Variants in CHD9 observed in about 807,000 individuals in gnomAD.
CHD9 encodes ATP-dependent chromatin remodeler CHD9.
Under a neutral mutation model 316.1 loss-of-function variants are expected in CHD9, and 77 were observed. The ratio of observed to expected loss-of-function variants is 0.24; its 90% CI spans 0.20 to 0.29. CHD9 has a LOEUF of 0.29. Among genes scored for constraint, CHD9 ranks in the 10% least tolerant of loss-of-function variants. The pLI, the probability that CHD9 is intolerant of heterozygous loss-of-function variation, is 1.00. For missense variants in CHD9, 2,763 were observed against 3,438.1 expected, an observed-to-expected ratio of 0.80 and a Z score of 4.91; for synonymous variants, 1,129 against 1,158.3, an observed-to-expected ratio of 0.97 and a Z score of 0.51.
rs1435282076 is a variant in CHD9, at chr16:53,209,482, C to T, written c.1453C>T (p.Pro485Ser). 6.3e-7 allele frequency: 1 copy of T among 1,587,488 alleles called. No homozygotes were observed. Among genetic ancestry groups the T allele is most frequent in the Non-Finnish European group, 8.6e-7 (1 of 1,167,204 alleles). The change falls in exon 3 of 39, where the codon CCT becomes TCT. Residue 485 changes from proline (P) to serine (S), a missense_variant and splice_region_variant. Pro to Ser is a moderately conservative substitution (Grantham distance 74). Around this residue, in one of 15 missense-constraint regions of CHD9, gnomAD observed 859 missense variants for 890.4 expected, o/e 0.96. Transcript: ENST00000447540. ...DRNHLCLQRQ[P>S]PSSKKSDGSG... ...ATAAAAAATATTTTTGTTTCTGTAG[C>T]CTCCATCTTCCAAGAAGAGCGATGG...
intron 2 of CHD9, among the ~76,000 whole-genome samples, chr16:53,180,910 C>T (rs1597320665): frequency 6.6e-6 from 1 of 151,700 alleles, no homozygotes; most frequent in African/African-American, 2.4e-5. Context: ...CTCCTGACCT[C>T]GTGATCCGCC....
At chr16:53,278,044 C>G (rs1432712779) in intron 24 of CHD9, among the ~76,000 whole-genome samples, 2 of 151,468 alleles carry the variant, frequency 1.3e-5, no homozygotes, top group Non-Finnish European at 2.9e-5. Context: ...AGGAATATAC[C>G]TAACCAAGGA....
At chr16:53,322,037 AC>A (rs1212982138) in intron 38 of CHD9, among the ~76,000 whole-genome samples, 2 of 142,354 alleles carry the variant, frequency 1.4e-5, no homozygotes, top group African/African-American at 2.6e-5. Flanking sequence ...CCTCTCTGTC[AC>A]CCAGGCTGGA....
chr16:53,246,951 A>G (rs567499571), intron 15 of CHD9, among the ~76,000 whole-genome samples: 6 of 152,230 alleles, frequency 3.9e-5, no homozygotes, highest in Non-Finnish European at 8.8e-5. Flanking sequence ...ATATTTAAAA[A>G]TATATGTGTT....
Position 53,314,465 on chromosome 16 carries a change from T to G in CHD9, c.7311T>G (p.Asn2437Lys). The change falls in exon 35 of 39, where the codon AAT becomes AAG. Residue 2437 changes from asparagine to lysine, a missense_variant. By Grantham distance (94) the Asn-to-Lys change is moderately conservative (BLOSUM62 0). Around this residue, in one of 15 missense-constraint regions of CHD9, gnomAD observed 663 missense variants for 751.2 expected, o/e 0.88. Transcript: ENST00000447540. ...AAAAAAGGCGAGGAAGGAGGAAGAATGTAGAAGGTGTTGACATCTTCTTTT... is the reference window on the plus strand; with the variant it reads ...AAAAAAGGCGAGGAAGGAGGAAGAAGGTAGAAGGTGTTGACATCTTCTTTT... Reference protein sequence around the residue: ...IVKKRRGRRKNVEGVDIFFFN... With the variant: ...IVKKRRGRRKKVEGVDIFFFN... 2 of 1,583,756 alleles carry G rather than the reference T, an allele frequency of 1.3e-6. No homozygotes were observed. The highest frequency in any genetic ancestry group is 1.7e-6 in the Non-Finnish European group (2 of 1,163,376).
Position 53,114,528 on chromosome 16 carries a change from G to A in CHD9, c.-164-41398G>A, listed in dbSNP as rs28574940. 5.8e-3 allele frequency among the ~76,000 whole-genome samples: 884 copies of A among 152,148 alleles called. 5 individuals are homozygous for A. Among genetic ancestry groups the A allele is most frequent in the African/African-American group, 0.02 (828 of 41,500 alleles). On this transcript the variant is annotated intron_variant, in intron 1 of 38. Transcript: ENST00000447540. ...CTGCCTTGGCCTCCCAAAGTGCTGG[G>A]ATTACAGGCGTGAGCCACTGCGCCT...
chr16:53,301,524 C>T (rs564497175), intron 30 of CHD9, among the ~76,000 whole-genome samples: 1 of 152,242 alleles, frequency 6.6e-6, no homozygotes, highest in African/African-American at 2.4e-5. Flanking sequence ...ACTTCTGTTT[C>T]TTAAGTAGCC....
rs1272217047 is a variant in CHD9, at chr16:53,229,117, T to C, written c.2286+17T>C. ...TTTGCAGACGTAAGAAAAAAATAAA[T>C]AAGACTATTATGTGTTGGTCTCTGA... is the stretch of plus-strand genomic sequence containing the variant. On this transcript the variant is annotated intron_variant, in intron 8 of 38. Coordinates refer to ENST00000447540, the MANE Select transcript of CHD9 (RefSeq NM_001308319.2). 1 of 1,328,840 alleles carries C rather than the reference T, an allele frequency of 7.5e-7. No individual in the cohort carries two copies. The highest frequency in any genetic ancestry group is 1.1e-6 in the Non-Finnish European group (1 of 947,426). 82.3% of individuals were successfully genotyped at this position (1,328,840 alleles called of 1,614,324 possible). A position where few individuals can be genotyped will look rare whatever the true frequency, so the allele number is the denominator to read the frequency against.
intron 1 of CHD9, among the ~76,000 whole-genome samples, chr16:53,144,631 C>T (rs1022860137): frequency 3.3e-5 from 5 of 151,090 alleles, no homozygotes; most frequent in Admixed American, 2.0e-4. Context: ...CGGGTTCAAG[C>T]GATTCTCCCG....
chr16:53,146,116 A>C (rs1254426035), intron 1 of CHD9, among the ~76,000 whole-genome samples: 5 of 150,952 alleles, frequency 3.3e-5, no homozygotes, highest in Admixed American at 3.3e-4. Context: ...GGCTAGGCAC[A>C]GTGGCTCACA....
intron 2 of CHD9, among the ~76,000 whole-genome samples, chr16:53,193,806 A>G (rs1053307509): frequency 1.3e-5 from 2 of 152,238 alleles, no homozygotes; most frequent in African/African-American, 4.8e-5. Flanking sequence ...TAGATTAGAT[A>G]CTATGATTAT....
chr16:53,306,473 A>G, intron 32 of CHD9, 76 bp downstream of exon 32: 1 of 1,236,324 alleles, frequency 8.1e-7, no homozygotes, highest in East Asian at 2.8e-5. Flanking sequence ...AGATATTCTT[A>G]CTATGTGGAA....
chr16:53,178,424 T>A (rs1304032062), intron 2 of CHD9, among the ~76,000 whole-genome samples: 1 of 144,286 alleles, frequency 6.9e-6, no homozygotes, highest in Admixed American at 6.9e-5. Flanking sequence ...TTTTTGTTGG[T>A]TTCTTTTTTT....
At chr16:53,252,309 C>T (rs954102790) in intron 17 of CHD9, among the ~76,000 whole-genome samples, 4 of 152,118 alleles carry the variant, frequency 2.6e-5, no homozygotes, top group African/African-American at 7.2e-5. Context: ...GGAAAGGACA[C>T]GCTATTCAAC....
intron 1 of CHD9, among the ~76,000 whole-genome samples, chr16:53,061,233 C>T (rs1232515002): frequency 1.3e-5 from 2 of 152,076 alleles, no homozygotes; most frequent in African/African-American, 4.8e-5. Flanking sequence ...GGCCAAGATG[C>T]TGTCTCTTTA....
chr16:53,061,161 A>G, intron 1 of CHD9, among the ~76,000 whole-genome samples: 1 of 152,112 alleles, frequency 6.6e-6, no homozygotes, highest in Non-Finnish European at 1.5e-5. Context: ...TCCTGACCTC[A>G]GGTGATTCAC....
chr16:53,319,917 T>A (rs2057149304), intron 37 of CHD9: 4 of 889,290 alleles, frequency 4.5e-6, no homozygotes, highest in Non-Finnish European at 5.9e-6. Flanking sequence ...AAGGAGATAA[T>A]AAAAAAGAGA....
At chr16:53,098,214 G>A (rs960132330) in intron 1 of CHD9, among the ~76,000 whole-genome samples, 3 of 147,878 alleles carry the variant, frequency 2.0e-5, no homozygotes, top group Middle Eastern at 5.1e-3. Context: ...GGTGGCTTAC[G>A]CCTGTAATCC....
At chr16:53,086,323 A>G (rs2035456763) in intron 1 of CHD9, among the ~76,000 whole-genome samples, 4 of 152,182 alleles carry the variant, frequency 2.6e-5, no homozygotes, top group Admixed American at 6.5e-5. Context: ...CGTGTGCTCA[A>G]TGGTTCCCTG....
Sources: gnomAD v4.1 joint callset for allele counts (sites outside exome capture counted in the v4.1 genomes callset) on GRCh38, gnomAD v4.1.1 for gene constraint, gnomAD v4.1.1 regional missense constraint, MANE v1.5 for transcripts, NCBI Gene and HGNC (gene_info 2026-07-23, HGNC 2026-07-21) for gene names.